Variants in FRK observed in about 807,000 individuals in gnomAD.
FRK encodes fyn related Src family tyrosine kinase, also known as tyrosine-protein kinase FRK.
In FRK, 51 loss-of-function variants were observed where a neutral mutation model predicts 56.4. The ratio of observed to expected loss-of-function variants is 0.90; its 90% CI spans 0.72 to 1.14. The LOEUF is 1.14. Ranked by LOEUF, FRK falls within the 50% of genes most tolerant of loss-of-function variation. The pLI is 0.00. For missense variants in FRK, 570 were observed against 601.4 expected (o/e 0.95, Z 0.55); for synonymous variants, 245 against 217.9 (o/e 1.12, Z -1.10).
intron 1 of FRK, among the ~76,000 whole-genome samples, chr6:116,056,721 A>G (rs1461998386): frequency 6.6e-6 from 1 of 152,198 alleles, no homozygotes; most frequent in Non-Finnish European, 1.5e-5. Flanking sequence ...TAAGACCCTA[A>G]GGGCAAGGTT....
intron 2 of FRK, among the ~76,000 whole-genome samples, chr6:115,984,729 A>C (rs1774327160): frequency 6.7e-6 from 1 of 148,890 alleles, no homozygotes; most frequent in South Asian, 2.1e-4. Context: ...TCCCTCTGCC[A>C]TTCACACAAA....
At chr6:115,953,180 A>ACT (rs34026302) in intron 5 of FRK, among the ~76,000 whole-genome samples, 42,490 of 104,430 alleles carry the variant, frequency 0.41, 14,388 homozygotes, top group East Asian at 0.64. Context: ...TTTTAAGGCC[A>ACT]TTTTTTTTTT....
intron 1 of FRK, among the ~76,000 whole-genome samples, chr6:116,025,440 A>G (rs1281311433): frequency 6.6e-6 from 1 of 152,212 alleles, no homozygotes; most frequent in Non-Finnish European, 1.5e-5. Flanking sequence ...TAAAATCTAT[A>G]TATGGAATCT....
At chr6:116,002,037 A>T (rs908713954) in intron 2 of FRK, among the ~76,000 whole-genome samples, 3 of 152,216 alleles carry the variant, frequency 2.0e-5, no homozygotes, top group East Asian at 1.9e-4. Context: ...AAGAATTTTT[A>T]AAAATCCTGA....
chr6:116,049,336 A>G (rs1717592460), intron 1 of FRK, among the ~76,000 whole-genome samples: 1 of 152,174 alleles, frequency 6.6e-6, no homozygotes, highest in Non-Finnish European at 1.5e-5. Flanking sequence ...ATTGTACTGA[A>G]TTGTTCATCT....
chr6:116,059,916 T>C, intron 1 of FRK, 52 bp downstream of exon 1: 2 of 1,456,918 alleles, frequency 1.4e-6, no homozygotes, highest in Non-Finnish European at 1.9e-6. Flanking sequence ...GGAAAACTCA[T>C]TACCCAGCCC....
intron 2 of FRK, among the ~76,000 whole-genome samples, chr6:115,996,195 A>G (rs1317631206): frequency 1.3e-5 from 2 of 152,102 alleles, no homozygotes; most frequent in Non-Finnish European, 2.9e-5. Context: ...GGGACATACA[A>G]TTGTCTTTAC....
rs184838897 is a variant in FRK, at chr6:116,054,528, T to G, written c.344+5440A>C. On this transcript the variant is annotated intron_variant, in intron 1 of 7. Coordinates refer to ENST00000606080, the MANE Select transcript of FRK (RefSeq NM_002031.3). ...ATAATATTATACTATATATTATATATTATATAGTATAATATAGTATAATAC... is the reference window on the plus strand; with the variant it reads ...ATAATATTATACTATATATTATATAGTATATAGTATAATATAGTATAATAC... Among the ~76,000 whole-genome samples the G allele has an allele frequency of 2.2e-3, 316 of 145,204 alleles. 5 individuals carry two copies. The highest frequency in any genetic ancestry group is 7.1e-3 in the African/African-American group (285 of 40,060).
chr6:116,043,234 G>A lies in FRK; in HGVS notation c.344+16734C>T, dbSNP rs1249988897. 9.2e-5 allele frequency among the ~76,000 whole-genome samples: 14 copies of A among 151,972 alleles called. 1 individual carries two copies. The highest frequency in any genetic ancestry group is 2.4e-4 in the African/African-American group (10 of 41,360). On this transcript the variant is annotated intron_variant, in intron 1 of 7. Transcript: ENST00000606080. ...ACTTGAACTCATCTCTTGACCAAGC[G>A]GACCTAATAAACATCTACACAACTC...
At chr6:115,946,977 C>T (rs1772480814) in intron 5 of FRK, among the ~76,000 whole-genome samples, 1 of 151,988 alleles carries the variant, frequency 6.6e-6, no homozygotes, top group African/African-American at 2.4e-5. Context: ...GAGTGGAGGG[C>T]ATGGGGACAG....
At chr6:116,067,045 G>T in the FRK span, among the ~76,000 whole-genome samples, 1 of 152,094 alleles carries the variant, frequency 6.6e-6, no homozygotes, top group African/African-American at 2.4e-5. Flanking sequence ...GAATTCATCA[G>T]GGTGAGCCCT....
At chr6:115,976,023 G>C (rs1294263764) in intron 2 of FRK, among the ~76,000 whole-genome samples, 1 of 152,040 alleles carries the variant, frequency 6.6e-6, no homozygotes, top group African/African-American at 2.4e-5. Context: ...CAGAGTAACT[G>C]GTTCGGGAGA....
chr6:116,039,115 C>CAA (rs1461876798), intron 1 of FRK: 1 of 837,476 alleles, frequency 1.2e-6, no homozygotes, highest in Non-Finnish European at 2.1e-6. Flanking sequence ...CAAAGGGACT[C>CAA]AGAGTAATCG....
chr6:116,080,655 G>A, the FRK span, among the ~76,000 whole-genome samples: 11 of 152,130 alleles, frequency 7.2e-5, no homozygotes, highest in African/African-American at 1.9e-4. Context: ...CTTTCCACAC[G>A]TTAGAGAAAA....
chr6:116,065,082 A>G (rs1008716592), upstream of FRK, among the ~76,000 whole-genome samples: 3 of 152,164 alleles, frequency 2.0e-5, no homozygotes, highest in African/African-American at 4.8e-5. Context: ...ATTCCAGCCA[A>G]AAATCACTTC....
chr6:116,096,084 A>C, the FRK span, among the ~76,000 whole-genome samples: 1 of 152,176 alleles, frequency 6.6e-6, no homozygotes, highest in Non-Finnish European at 1.5e-5. Context: ...GATCACGGCC[A>C]TCAAGCTACA....
chr6:115,942,046 T>A lies in FRK; in HGVS notation c.*368A>T, dbSNP rs2114504855. ...GAGGAATAATGAATAACCACTCTAATCAGTAAACAGGAAAATGCTACAACA... is the reference window on the plus strand; with the variant it reads ...GAGGAATAATGAATAACCACTCTAAACAGTAAACAGGAAAATGCTACAACA... On this transcript the variant is annotated 3_prime_UTR_variant, in exon 8 of 8. Coordinates refer to ENST00000606080, the MANE Select transcript of FRK (RefSeq NM_002031.3). The A allele has an allele frequency of 4.7e-6, 1 of 212,036 alleles. No homozygotes were observed. The highest frequency in any genetic ancestry group is 2.0e-3 in the Middle Eastern group (1 of 498). 13.1% of individuals were successfully genotyped at this position (212,036 alleles called of 1,614,324 possible). A position where few individuals can be genotyped will look rare whatever the true frequency, so the allele number is the denominator to read the frequency against.
At chr6:116,080,532 C>A in the FRK span, among the ~76,000 whole-genome samples, 1 of 152,198 alleles carries the variant, frequency 6.6e-6, no homozygotes, top group Non-Finnish European at 1.5e-5. Context: ...AAATGTTAAA[C>A]TTCTATAACA....
chr6:115,982,262 C>A (rs1044517591), intron 2 of FRK, among the ~76,000 whole-genome samples: 3 of 152,112 alleles, frequency 2.0e-5, no homozygotes, highest in Non-Finnish European at 4.4e-5. Flanking sequence ...AAGACTCATA[C>A]CATTAGCTCT....
Sources: gnomAD v4.1 joint callset for allele counts (sites outside exome capture counted in the v4.1 genomes callset) on GRCh38, gnomAD v4.1.1 for gene constraint, MANE v1.5 for transcripts, NCBI Gene and HGNC (gene_info 2026-07-23, HGNC 2026-07-21) for gene names.